The following CNTNAP5 variants were observed in gnomAD, a reference collection of about 807,000 sequenced individuals.
CNTNAP5 encodes the protein contactin associated protein family member 5, also known as contactin-associated protein-like 5.
CNTNAP5 carries 72 observed loss-of-function variants against 150.2 expected under a neutral mutation model. The ratio of observed to expected loss-of-function variants is 0.48; its 90% CI spans 0.40 to 0.58. The LOEUF (loss-of-function observed/expected upper bound fraction) is 0.58. CNTNAP5 is among the 20% of genes least tolerant of loss of function. The pLI is 0.00. For missense variants in CNTNAP5, 1,636 were observed against 1,626.2 expected (o/e 1.01, Z -0.10); for synonymous variants, 672 against 619.8 (o/e 1.08, Z -1.25).
chr2:124,552,643 A>G (rs1017341095), intron 10 of CNTNAP5, among the ~76,000 whole-genome samples: 7 of 152,342 alleles, frequency 4.6e-5, no homozygotes, highest in African/African-American at 1.7e-4. Context: ...ATGTGTGAGT[A>G]TATCTATAAA....
At chr2:124,392,713 AAAAG>A in intron 3 of CNTNAP5, among the ~76,000 whole-genome samples, 2 of 119,088 alleles carry the variant, frequency 1.7e-5, no homozygotes, top group African/African-American at 4.0e-5. Flanking sequence ...AAAAAAAAGG[AAAAG>A]AAGGAGGGGA....
rs556963917 is a variant in CNTNAP5 at position 124,528,603 on chromosome 2, G to A, written c.1649+1147G>A. ...AATAATTGTATATCTTACAATTAATGGTGTCTTAGATTCAATAATATATAG... is the reference window on the plus strand; with the variant it reads ...AATAATTGTATATCTTACAATTAATAGTGTCTTAGATTCAATAATATATAG... On this transcript the variant is annotated intron_variant, in intron 10 of 23. Coordinates refer to ENST00000682447, the MANE Select transcript of CNTNAP5 (RefSeq NM_001367498.1). Among the ~76,000 whole-genome samples, 136 of 152,262 alleles carry A rather than the reference G, an allele frequency of 8.9e-4. 1 individual carries two copies. Among genetic ancestry groups the A allele is most frequent in the Non-Finnish European group, 1.5e-3 (101 of 68,016 alleles).
chr2:124,695,255 G>C (rs1417554131), intron 13 of CNTNAP5, among the ~76,000 whole-genome samples: 1 of 152,164 alleles, frequency 6.6e-6, no homozygotes, highest in Admixed American at 6.6e-5. Flanking sequence ...CAGTAGCACA[G>C]CACTTGCAGT....
chr2:124,101,930 C>T (rs1012425150), intron 1 of CNTNAP5, among the ~76,000 whole-genome samples: 8 of 152,110 alleles, frequency 5.3e-5, no homozygotes, highest in Admixed American at 1.3e-4. Flanking sequence ...TCATACCAGC[C>T]GTAGCCGCCT....
intron 3 of CNTNAP5, among the ~76,000 whole-genome samples, chr2:124,261,261 A>G (rs1687445885): frequency 6.6e-6 from 1 of 152,152 alleles, no homozygotes; most frequent in South Asian, 2.1e-4. Context: ...CTAAAAATAT[A>G]AATATCCTCC....
At chr2:124,604,328 C>T (rs1004258031) in intron 11 of CNTNAP5, among the ~76,000 whole-genome samples, 7 of 152,028 alleles carry the variant, frequency 4.6e-5, no homozygotes, top group Admixed American at 2.6e-4. Flanking sequence ...ATAGCAATAT[C>T]GTTTAAAATG....
chr2:124,718,813 C>T (rs1220985307), intron 13 of CNTNAP5, among the ~76,000 whole-genome samples: 10 of 151,950 alleles, frequency 6.6e-5, no homozygotes, highest in South Asian at 2.1e-4. Context: ...GATGTGGTGG[C>T]GCATGCCTGT....
intron 13 of CNTNAP5, among the ~76,000 whole-genome samples, chr2:124,727,166 G>A (rs1680173998): frequency 6.6e-6 from 1 of 151,890 alleles, no homozygotes; most frequent in African/African-American, 2.4e-5. Context: ...TTCATTTTGA[G>A]GTTATTTATT....
intron 10 of CNTNAP5, among the ~76,000 whole-genome samples, chr2:124,543,983 T>G (rs1695451817): frequency 6.6e-6 from 1 of 151,996 alleles, no homozygotes; most frequent in Non-Finnish European, 1.5e-5. Context: ...CTTGTTCAAA[T>G]CCATAGAGAA....
At chr2:124,773,895 A>C (rs1481039478) in intron 17 of CNTNAP5, among the ~76,000 whole-genome samples, 1 of 139,480 alleles carries the variant, frequency 7.2e-6, no homozygotes, top group Admixed American at 7.6e-5. Context: ...CATTTTGTTA[A>C]ACATAAGGGA....
chr2:124,875,809 C>A (rs1010332134), intron 21 of CNTNAP5, among the ~76,000 whole-genome samples: 1 of 149,778 alleles, frequency 6.7e-6, no homozygotes, highest in Non-Finnish European at 1.5e-5. Context: ...CAATTCTGAA[C>A]CATGGTGAGT....
At chr2:124,706,842 G>A (rs1164213409) in intron 13 of CNTNAP5, among the ~76,000 whole-genome samples, 106 of 4,514 alleles carry the variant, frequency 0.023, 12 homozygotes, top group African/African-American at 0.063. Context: ...AGGAGGGGGA[G>A]GAAGGAGGAG....
chr2:124,425,419 C>G (rs1418917204), intron 4 of CNTNAP5, among the ~76,000 whole-genome samples: 1 of 152,196 alleles, frequency 6.6e-6, no homozygotes, highest in African/African-American at 2.4e-5. Context: ...CGGTAGAAGT[C>G]AGGAAGCAGC....
chr2:124,791,007 G>A (rs931369641), intron 18 of CNTNAP5, among the ~76,000 whole-genome samples: 2 of 152,188 alleles, frequency 1.3e-5, no homozygotes, highest in African/African-American at 4.8e-5. Context: ...AATATTTTAA[G>A]AGCAGCATTT....
intron 19 of CNTNAP5, among the ~76,000 whole-genome samples, chr2:124,799,238 A>C (rs922345284): frequency 1.3e-5 from 2 of 152,112 alleles, no homozygotes; most frequent in South Asian, 4.1e-4. Flanking sequence ...TAATACGAGA[A>C]GTTGAGAGTG....
In CNTNAP5 at chr2:124,417,555, T is replaced by C. The variant is rs748024411; in HGVS notation, c.494T>C (p.Ile165Thr). 5.6e-6 allele frequency: 9 copies of C among 1,613,592 alleles called. No individual in the cohort carries two copies. The highest frequency in any genetic ancestry group is 2.7e-5 in the African/African-American group (2 of 74,920). The change falls in exon 4 of 24, where the codon ATT (isoleucine) becomes ACT (threonine). Residue 165 changes from isoleucine to threonine, a missense_variant. Transcript: ENST00000682447. ...CTGGAATGGAATCCCAGTGGGAAGA[T>C]TGGCATGAGAGTCGAGGTCTACGGA... is the stretch of plus-strand genomic sequence containing the variant. ...VPLEWNPSGK[I>T]GMRVEVYGCS...
intron 13 of CNTNAP5, among the ~76,000 whole-genome samples, chr2:124,671,945 TC>T (rs1440742841): frequency 1.3e-5 from 2 of 152,154 alleles, no homozygotes; most frequent in Admixed American, 1.3e-4. Flanking sequence ...TCGCCAAGAC[TC>T]TTTTAAAGAA....
chr2:124,430,307 C>G (rs1037789173), intron 4 of CNTNAP5, among the ~76,000 whole-genome samples: 1 of 151,974 alleles, frequency 6.6e-6, no homozygotes, highest in Admixed American at 6.6e-5. Flanking sequence ...CTCTTTGTGC[C>G]GTGTTTGTCT....
intron 19 of CNTNAP5, among the ~76,000 whole-genome samples, 194 bp downstream of exon 19, chr2:124,798,514 C>T (rs73955826): frequency 0.034 from 5,185 of 152,306 alleles, 289 homozygotes; most frequent in African/African-American, 0.12. Flanking sequence ...AGTGTCAATT[C>T]ACTGCTGAAG....
Sources: gnomAD v4.1 joint callset for allele counts (sites outside exome capture counted in the v4.1 genomes callset) on GRCh38, gnomAD v4.1.1 for gene constraint, MANE v1.5 for transcripts, NCBI Gene and HGNC (gene_info 2026-07-23, HGNC 2026-07-21) for gene names.